IKZF3: variants seen among roughly 807,000 people sequenced by gnomAD.
IKZF3 encodes IKAROS family zinc finger 3, also known as zinc finger protein Aiolos.
A neutral mutation model predicts 49.0 loss-of-function variants in IKZF3; 10 were observed. The observed-to-expected ratio is 0.20, with a 90% CI of 0.13 to 0.35. The LOEUF (loss-of-function observed/expected upper bound fraction) is 0.35. Ranked by LOEUF, IKZF3 falls within the 10% of genes least tolerant of loss-of-function variation. The pLI is 1.00. For synonymous variants in IKZF3, 209 were observed against 228.2 expected, an observed-to-expected ratio of 0.92 and a Z score of 0.76; for missense variants, 498 against 664.8, an observed-to-expected ratio of 0.75 and a Z score of 2.76.
At chr17:39,811,361 G>A (rs918617277) in intron 3 of IKZF3, among the ~76,000 whole-genome samples, 1 of 149,010 alleles carries the variant, frequency 6.7e-6, no homozygotes, top group Non-Finnish European at 1.5e-5. Context: ...AAGACAGAAA[G>A]GGAAAGAAAG....
intron 3 of IKZF3, among the ~76,000 whole-genome samples, chr17:39,800,660 A>G (rs2061294801): frequency 6.6e-6 from 1 of 152,170 alleles, no homozygotes; most frequent in Non-Finnish European, 1.5e-5. Flanking sequence ...GAACACACAC[A>G]CACACCCCAG....
chr17:39,788,518 A>C, intron 5 of IKZF3, 144 bp from the exon 6 acceptor site: 2 of 599,508 alleles, frequency 3.3e-6, no homozygotes, highest in Non-Finnish European at 6.0e-6. Flanking sequence ...CTATATTTTA[A>C]ATTTGGTAAG....
intron 7 of IKZF3, among the ~76,000 whole-genome samples, chr17:39,774,648 A>C (rs1157646148): frequency 2.0e-5 from 3 of 152,200 alleles, no homozygotes; most frequent in African/African-American, 7.2e-5. Context: ...TTTAGGATAT[A>C]AGTTAATGCA....
At chr17:39,823,166 T>C (rs1426485316) in intron 3 of IKZF3, among the ~76,000 whole-genome samples, 2 of 152,188 alleles carry the variant, frequency 1.3e-5, no homozygotes, top group African/African-American at 4.8e-5. Flanking sequence ...GACAGTGATA[T>C]GGACAATGAA....
chr17:39,856,056 A>G (rs1029302320), intron 1 of IKZF3, among the ~76,000 whole-genome samples: 5 of 144,458 alleles, frequency 3.5e-5, no homozygotes, highest in Non-Finnish European at 7.6e-5. Flanking sequence ...TTGTATATGT[A>G]CAATATAACA....
intron 3 of IKZF3, among the ~76,000 whole-genome samples, chr17:39,806,738 C>T (rs1039223457): frequency 2.0e-5 from 3 of 152,140 alleles, no homozygotes; most frequent in Non-Finnish European, 2.9e-5. Flanking sequence ...GTAATATTCC[C>T]CTCCAGTGTG....
chr17:39,835,445 T>C, intron 1 of IKZF3: 1 of 464,236 alleles, frequency 2.2e-6, no homozygotes, highest in South Asian at 1.5e-5. Context: ...AGGCCCTCTG[T>C]CTCAGACTGG....
At chr17:39,838,866 C>T (rs1045675734) in intron 1 of IKZF3, among the ~76,000 whole-genome samples, 1 of 152,004 alleles carries the variant, frequency 6.6e-6, no homozygotes, top group Non-Finnish European at 1.5e-5. Context: ...TAGGATTTTG[C>T]TCTGTGGCCC....
At chr17:39,852,137 A>G (rs865833005) in intron 1 of IKZF3, among the ~76,000 whole-genome samples, 1 of 152,192 alleles carries the variant, frequency 6.6e-6, no homozygotes, top group Non-Finnish European at 1.5e-5. Flanking sequence ...TTTTCTCTCA[A>G]TAAACTTACA....
chr17:39,849,625 C>T (rs1453356723), intron 1 of IKZF3, among the ~76,000 whole-genome samples: 1 of 152,048 alleles, frequency 6.6e-6, no homozygotes, highest in Non-Finnish European at 1.5e-5. Context: ...GAACTTCAAC[C>T]TGGGCAACAG....
At chr17:39,840,486 G>A (rs2062434466) in intron 1 of IKZF3, among the ~76,000 whole-genome samples, 1 of 152,056 alleles carries the variant, frequency 6.6e-6, no homozygotes, top group Admixed American at 6.5e-5. Flanking sequence ...TCAATAGGAG[G>A]TACTATTCCA....
At chr17:39,825,397 G>A (rs1413480058) in intron 3 of IKZF3, among the ~76,000 whole-genome samples, 1 of 152,186 alleles carries the variant, frequency 6.6e-6, no homozygotes, top group African/African-American at 2.4e-5. Context: ...GTGTTGGTCA[G>A]GAGGCAGAAA....
At chr17:39,832,037 T>C in intron 2 of IKZF3, 61 bp downstream of exon 2, 1 of 1,239,890 alleles carries the variant, frequency 8.1e-7, no homozygotes, top group South Asian at 1.3e-5. Flanking sequence ...AGCACATTCC[T>C]CTCTCTTTGG....
intron 3 of IKZF3, among the ~76,000 whole-genome samples, chr17:39,810,845 G>A (rs2061535652): frequency 6.6e-6 from 1 of 152,170 alleles, no homozygotes; most frequent in South Asian, 2.1e-4. Flanking sequence ...AATAAGTTAT[G>A]AAAATTTGAT....
chr17:39,775,531 C>T (rs901266741), intron 7 of IKZF3, among the ~76,000 whole-genome samples: 1 of 152,192 alleles, frequency 6.6e-6, no homozygotes, highest in African/African-American at 2.4e-5. Flanking sequence ...TTAAGTAGGG[C>T]TTTAGTTCAA....
chr17:39,848,871 T>C (rs1401170780), intron 1 of IKZF3, among the ~76,000 whole-genome samples: 1 of 152,026 alleles, frequency 6.6e-6, no homozygotes, highest in East Asian at 1.9e-4. Flanking sequence ...TTTGGAGAGA[T>C]GGGGTCTCAT....
chr17:39,848,840 C>T (rs2062710196), intron 1 of IKZF3, among the ~76,000 whole-genome samples: 1 of 152,186 alleles, frequency 6.6e-6, no homozygotes, highest in African/African-American at 2.4e-5. Flanking sequence ...TCACTACACT[C>T]AGCTAATTTT....
At position 39,763,964 on chromosome 17, in the gene IKZF3, C is replaced by G. The variant is rs1044051020; in HGVS notation, c.*1826G>C. ...AACCTCCCAGGCTTAAGCGATTTTT[C>G]TGCCTCAGCCTCCGGAGTAGCTGGG... On this transcript the variant is annotated 3_prime_UTR_variant, in exon 8 of 8. Coordinates refer to ENST00000346872, the MANE Select transcript of IKZF3 (RefSeq NM_012481.5). The G allele has an allele frequency of 2.0e-5, 3 of 152,222 alleles. No homozygotes were observed. Among genetic ancestry groups the G allele is most frequent in the African/African-American group, 4.8e-5 (2 of 41,454 alleles). The allele number at this position is 152,222 out of a possible 1,614,324, so 9.4% of individuals were successfully genotyped here.
At chr17:39,858,825 G>T (rs967387915) in intron 1 of IKZF3, among the ~76,000 whole-genome samples, 1 of 151,508 alleles carries the variant, frequency 6.6e-6, no homozygotes, top group Non-Finnish European at 1.5e-5. Flanking sequence ...TGTTGAGATG[G>T]GTTCTCACTC....
Sources: allele counts gnomAD v4.1 joint callset (sites outside exome capture counted in the v4.1 genomes callset), GRCh38; gene constraint gnomAD v4.1.1; transcripts MANE v1.5; gene names NCBI Gene and HGNC (gene_info 2026-07-23, HGNC 2026-07-21).